Variants in CDC42BPA observed in about 807,000 individuals in gnomAD.
CDC42BPA encodes the protein serine/threonine-protein kinase MRCK alpha.
CDC42BPA carries 80 observed loss-of-function variants against 223.5 expected under a neutral mutation model. The ratio of observed to expected loss-of-function variants is 0.36; its 90% CI spans 0.30 to 0.43. The LOEUF (loss-of-function observed/expected upper bound fraction) is 0.43, where lower values mean the gene tolerates loss of function less well. Among genes scored for constraint, CDC42BPA ranks in the 20% least tolerant of loss-of-function variants. The probability of loss-of-function intolerance (pLI) is 1.00; values close to 1 mark genes in which losing one functional copy is unlikely to be tolerated. For missense variants in CDC42BPA, 1,743 were observed against 2,099.9 expected, an observed-to-expected ratio of 0.83 and a Z score of 3.32; for synonymous variants, 694 against 718.6, an observed-to-expected ratio of 0.97 and a Z score of 0.55.
In CDC42BPA at chr1:227,112,652, A is replaced by C. The variant is rs188862080; in HGVS notation, c.1890+19T>G. 77 of 1,610,942 alleles carry C rather than the reference A, an allele frequency of 4.8e-5. No individual in the cohort carries two copies. In the Middle Eastern group the frequency reaches 6.6e-4, roughly 14 times the overall value. ...AATCACTATCCCATGGGCACTACAA[A>C]ATTTGCCTGACTACTAACCTCTTTT... On this transcript the variant is annotated intron_variant, in intron 13 of 36. Transcript: ENST00000366766.
intron 2 of CDC42BPA, chr1:227,234,763 T>C (rs1678673608): frequency 6.6e-6 from 1 of 152,264 alleles, no homozygotes; most frequent in Admixed American, 6.5e-5. Context: ...ACTACACGCC[T>C]TCCTACAAAG....
chr1:227,086,590 A>G (rs1380641046), intron 16 of CDC42BPA, among the ~76,000 whole-genome samples: 1 of 151,474 alleles, frequency 6.6e-6, no homozygotes. Context: ...TCATGTGCTT[A>G]TTTGTTATTC....
chr1:227,098,577 G>A (rs1054298554), intron 15 of CDC42BPA, among the ~76,000 whole-genome samples: 1 of 151,992 alleles, frequency 6.6e-6, no homozygotes, highest in Non-Finnish European at 1.5e-5. Flanking sequence ...TCTCCCAACT[G>A]CTTGGACCAA....
rs574777716 is a variant in CDC42BPA, at chr1:227,230,701, CAAA to C, written c.271-17485_271-17483del. 1.5e-4 allele frequency among the ~76,000 whole-genome samples: 23 copies of C among 151,394 alleles called. 1 individual carries two copies. In the South Asian group the frequency reaches 4.9e-3, roughly 32 times the overall value. On this transcript the variant is annotated intron_variant, in intron 2 of 36. Transcript: ENST00000366766. ...TGAAAATACTCAGTTATCTTATTAACAAAATTTTTATCTATTGCATCTATACAT... is the reference window on the plus strand; with the variant it reads ...TGAAAATACTCAGTTATCTTATTAACATTTTTATCTATTGCATCTATACAT...
chr1:227,097,421 CT>C (rs1278851502), intron 15 of CDC42BPA, among the ~76,000 whole-genome samples: 1 of 152,178 alleles, frequency 6.6e-6, no homozygotes, highest in African/African-American at 2.4e-5. Flanking sequence ...ACTTTATATG[CT>C]TTCTTCACTT....
rs761060539 is a variant in CDC42BPA at position 227,074,394 on chromosome 1, T to A, written c.2481-30A>T. 4.6e-6 allele frequency: 7 copies of A among 1,532,364 alleles called. No homozygotes were observed. The Admixed American group carries it at 5.7e-5, about 12-fold the overall frequency. 94.9% of individuals were successfully genotyped at this position (1,532,364 alleles called of 1,614,324 possible). Reference sequence around the variant, plus strand: ...AATATATAAAGACAAAGTACAAAAGTAAAACAAAAAAGCTTCAGTGCAATA... The same window carrying A: ...AATATATAAAGACAAAGTACAAAAGAAAAACAAAAAAGCTTCAGTGCAATA... On this transcript the variant is annotated intron_variant, in intron 17 of 36. Transcript: ENST00000366766.
chr1:227,268,021 TAATC>T, intron 1 of CDC42BPA, among the ~76,000 whole-genome samples: 1 of 152,214 alleles, frequency 6.6e-6, no homozygotes, highest in East Asian at 1.9e-4. Context: ...TACCATTACT[TAATC>T]AAGTATTTTA....
chr1:227,000,480 C>G (rs539146206), intron 35 of CDC42BPA, among the ~76,000 whole-genome samples: 10 of 152,320 alleles, frequency 6.6e-5, no homozygotes, highest in African/African-American at 2.2e-4. Context: ...TTCCACTGCT[C>G]TGCTTACTAA....
At chr1:227,277,170 G>A (rs1406780916) in intron 1 of CDC42BPA, among the ~76,000 whole-genome samples, 4 of 150,560 alleles carry the variant, frequency 2.7e-5, no homozygotes, top group East Asian at 3.9e-4. Flanking sequence ...AAAAATGTAC[G>A]CCAATAAACT....
At chr1:227,262,538 T>C (rs1168282212) in intron 1 of CDC42BPA, among the ~76,000 whole-genome samples, 1 of 152,182 alleles carries the variant, frequency 6.6e-6, no homozygotes. Context: ...CTCATAAACT[T>C]TGACTAAGAA....
intron 2 of CDC42BPA, among the ~76,000 whole-genome samples, chr1:227,229,143 A>G (rs1008156938): frequency 1.1e-4 from 17 of 152,154 alleles, no homozygotes; most frequent in African/African-American, 4.1e-4. Context: ...AGAGTTTCAT[A>G]GTTTTATCTG....
chr1:227,261,733 T>C (rs530164225), intron 1 of CDC42BPA, among the ~76,000 whole-genome samples: 2 of 152,246 alleles, frequency 1.3e-5, no homozygotes, highest in Admixed American at 6.5e-5. Flanking sequence ...AATGAAGGTA[T>C]TGCTGGTGGC....
At chr1:227,040,940 T>C (rs1349235000) in intron 23 of CDC42BPA, among the ~76,000 whole-genome samples, 3 of 152,230 alleles carry the variant, frequency 2.0e-5, no homozygotes, top group Admixed American at 6.5e-5. Context: ...TCTCTTAGCA[T>C]GTTTTAACAA....
In CDC42BPA at chr1:227,317,242, T is replaced by A; in HGVS notation, c.-60A>T. The A allele has an allele frequency of 1.3e-6, 2 of 1,522,304 alleles. No homozygotes were observed. The highest frequency in any genetic ancestry group is 2.5e-5 in the South Asian group (2 of 80,802). The allele number at this position is 1,522,304 out of a possible 1,614,324, so 94.3% of individuals were successfully genotyped here. ...TATTATGATGACTTTTACTATTATC[T>A]GAACCTAAATTTTAAAAGGTATGGT... On this transcript the variant is annotated 5_prime_UTR_variant, in exon 1 of 37. Coordinates refer to ENST00000366766, the MANE Select transcript of CDC42BPA (RefSeq NM_001394014.1).
At chr1:227,084,026 C>T (rs1681285222) in intron 16 of CDC42BPA, among the ~76,000 whole-genome samples, 1 of 152,190 alleles carries the variant, frequency 6.6e-6, no homozygotes, top group Non-Finnish European at 1.5e-5. Context: ...GCTCACTGCT[C>T]TGTACTATTC....
At chr1:227,159,459 C>T (rs1663446674) in intron 6 of CDC42BPA, among the ~76,000 whole-genome samples, 1 of 151,932 alleles carries the variant, frequency 6.6e-6, no homozygotes, top group African/African-American at 2.4e-5. Context: ...GCACTCCAGC[C>T]TAGGCAACAG....
chr1:227,230,805 CTTTTTTCTTTCTTTCTTTTTT>C (rs1017508945), intron 2 of CDC42BPA, among the ~76,000 whole-genome samples: 3 of 93,464 alleles, frequency 3.2e-5, no homozygotes, highest in African/African-American at 1.3e-4. Context: ...ATTTCTATTT[CTTTTTTCTTTCTTTCTTTTTT>C]TTTTTTTTTT....
rs1196918443 is a variant in CDC42BPA at position 227,317,081 on chromosome 1, T to G, written c.102A>C (p.Ile34=). Reference sequence around the variant, plus strand: ...TGCATTCATCATAAAGGCAGATGAGTATATCCAGTAATGTCTCCACACTGA... The same window carrying G: ...TGCATTCATCATAAAGGCAGATGAGGATATCCAGTAATGTCTCCACACTGA... ...QCFSVETLLD[I]LICLYDECNN... The change falls in exon 1 of 37, where the codon ATA becomes ATC. Residue 34 remains isoleucine (I), a synonymous_variant. Coordinates refer to ENST00000366766, the MANE Select transcript of CDC42BPA (RefSeq NM_001394014.1). The G allele has an allele frequency of 6.2e-7, 1 of 1,613,914 alleles. No individual in the cohort carries two copies. The highest frequency in any genetic ancestry group is 8.5e-7 in the Non-Finnish European group (1 of 1,179,826).
chr1:227,158,153 C>G (rs1047296812), intron 6 of CDC42BPA, among the ~76,000 whole-genome samples: 5 of 151,930 alleles, frequency 3.3e-5, no homozygotes, highest in African/African-American at 7.2e-5. Context: ...TATAGACAAG[C>G]TTTCACTGTG....
Sources: gnomAD v4.1 joint callset for allele counts (sites outside exome capture counted in the v4.1 genomes callset) on GRCh38, gnomAD v4.1.1 for gene constraint, MANE v1.5 for transcripts, NCBI Gene and HGNC (gene_info 2026-07-23, HGNC 2026-07-21) for gene names.